ZFHX3: variants seen among roughly 807,000 people sequenced by gnomAD.
The protein encoded by ZFHX3 is zinc finger homeobox protein 3.
In ZFHX3, 42 loss-of-function variants were observed where a neutral mutation model predicts 279.1. The observed-to-expected ratio is 0.15, with a 90% CI of 0.12 to 0.19. ZFHX3 has a LOEUF of 0.19. Among genes scored for constraint, ZFHX3 ranks in the 10% least tolerant of loss-of-function variants. The pLI, the probability that ZFHX3 is intolerant of heterozygous loss-of-function variation, is 1.00. For missense variants in ZFHX3, 4,981 were observed against 4,754.0 expected (o/e 1.05, Z -1.40); for synonymous variants, 2,293 against 1,957.8 (o/e 1.17, Z -4.52).
At chr16:73,871,036 CAT>C (rs1397790947) in intron 1 of ZFHX3, among the ~76,000 whole-genome samples, 3 of 152,138 alleles carry the variant, frequency 2.0e-5, no homozygotes, top group Non-Finnish European at 2.9e-5. Context: ...GCAAGGAAGC[CAT>C]GCAAGAGACT....
intron 1 of ZFHX3, among the ~76,000 whole-genome samples, chr16:73,682,944 A>G (rs199930392): frequency 2.9e-4 from 6 of 21,006 alleles, no homozygotes; most frequent in Admixed American, 7.6e-4. Context: ...GAAAGAAAGA[A>G]AGAAAGAAAG....
At chr16:73,100,757 C>T (rs927354752) in intron 7 of ZFHX3, among the ~76,000 whole-genome samples, 1 of 152,052 alleles carries the variant, frequency 6.6e-6, no homozygotes, top group Non-Finnish European at 1.5e-5. Context: ...ACCATCACGC[C>T]TGGCTAATTT....
chr16:72,972,635 G>C (rs767553522), intron 1 of ZFHX3, among the ~76,000 whole-genome samples: 1 of 152,134 alleles, frequency 6.6e-6, no homozygotes, highest in East Asian at 1.9e-4. Context: ...GGGTGGGAAG[G>C]CACTATGTCG....
At chr16:73,879,001 T>C (rs1381554369) in intron 1 of ZFHX3, among the ~76,000 whole-genome samples, 2 of 150,466 alleles carry the variant, frequency 1.3e-5, no homozygotes, top group Non-Finnish European at 3.0e-5. Flanking sequence ...TAGATCATTA[T>C]GTTCTTCCTC....
At chr16:72,947,305 G>A (rs868178047) in intron 3 of ZFHX3, among the ~76,000 whole-genome samples, 2 of 152,182 alleles carry the variant, frequency 1.3e-5, no homozygotes, top group Admixed American at 6.5e-5. Context: ...AAATCAAAAC[G>A]ACACCATTCC....
At chr16:73,702,246 G>C (rs2053255615) in intron 1 of ZFHX3, among the ~76,000 whole-genome samples, 1 of 152,094 alleles carries the variant, frequency 6.6e-6, no homozygotes, top group African/African-American at 2.4e-5. Context: ...ATAGACCCAA[G>C]TGACCAAGTA....
chr16:73,673,018 G>A (rs1396751071), intron 2 of ZFHX3, among the ~76,000 whole-genome samples: 1 of 152,130 alleles, frequency 6.6e-6, no homozygotes, highest in Non-Finnish European at 1.5e-5. Flanking sequence ...ACATCATATT[G>A]AGTGAAAATT....
Position 73,535,894 on chromosome 16 carries a change from TTTTAC to T in ZFHX3, c.-1546-79641_-1546-79637del, listed in dbSNP as rs1358630145. On this transcript the variant is annotated intron_variant, in intron 2 of 17. Coordinates refer to the ZFHX3 transcript ENST00000641206. ...CTCCCCACTATGCCCGGCTAATTTT[TTTTAC>T]TTTTAGTAGAGACGGGGTTTCACCA... Among the ~76,000 whole-genome samples, 3 of 152,016 alleles carry T rather than the reference TTTTAC, an allele frequency of 2.0e-5. No individual in the cohort carries two copies. In the East Asian group the frequency reaches 5.8e-4, roughly 29 times the overall value.
intron 4 of ZFHX3, among the ~76,000 whole-genome samples, chr16:73,303,614 G>A (rs1274777844): frequency 6.6e-6 from 1 of 152,128 alleles, no homozygotes; most frequent in African/African-American, 2.4e-5. Flanking sequence ...AAGAATTAAA[G>A]CTATTATCTG....
intron 3 of ZFHX3, among the ~76,000 whole-genome samples, chr16:73,444,516 T>C (rs1364131577): frequency 1.3e-5 from 2 of 152,260 alleles, no homozygotes; most frequent in East Asian, 3.8e-4. Flanking sequence ...ATAAATGGGA[T>C]GCATTTGTAA....
At chr16:73,099,040 A>G (rs1177455616) in intron 7 of ZFHX3, 2 of 152,242 alleles carry the variant, frequency 1.3e-5, no homozygotes, top group Non-Finnish European at 2.9e-5. Flanking sequence ...TTAGGGATTT[A>G]TTTCCTAATA....
At chr16:72,828,668 C>G (rs948852581) in intron 5 of ZFHX3, among the ~76,000 whole-genome samples, 2 of 152,214 alleles carry the variant, frequency 1.3e-5, no homozygotes. Flanking sequence ...CCCCCAAATG[C>G]AGGACAAAGA....
At chr16:73,160,538 C>T (rs139808086) in intron 5 of ZFHX3, among the ~76,000 whole-genome samples, 175 of 152,180 alleles carry the variant, frequency 1.1e-3, no homozygotes, top group Admixed American at 0.01. Flanking sequence ...CCCACAGTCA[C>T]GTTTTCTAAA....
intron 2 of ZFHX3, among the ~76,000 whole-genome samples, chr16:73,613,109 T>C (rs1469227196): frequency 6.6e-6 from 1 of 152,230 alleles, no homozygotes; most frequent in Non-Finnish European, 1.5e-5. Context: ...TTTATTTATA[T>C]AGTGAAAATT....
chr16:73,823,615 C>A (rs529387211), intron 1 of ZFHX3, among the ~76,000 whole-genome samples: 1 of 152,216 alleles, frequency 6.6e-6, no homozygotes, highest in African/African-American at 2.4e-5. Flanking sequence ...AATACAGCCA[C>A]GCCCATTCAT....
At chr16:72,833,279 AGATTTGATACACAC>A (rs2037108684) in intron 4 of ZFHX3, among the ~76,000 whole-genome samples, 1 of 152,214 alleles carries the variant, frequency 6.6e-6, no homozygotes, top group African/African-American at 2.4e-5. Flanking sequence ...TTAGGAATGT[AGATTTGATACACAC>A]GTGCTGGAGA....
chr16:72,820,633 G>C (rs1195394575), intron 5 of ZFHX3, among the ~76,000 whole-genome samples: 1 of 152,152 alleles, frequency 6.6e-6, no homozygotes, highest in Non-Finnish European at 1.5e-5. Flanking sequence ...CCTCTTGTTG[G>C]TTCCCCCAAA....
At chr16:73,002,734 T>C (rs8056528) in intron 1 of ZFHX3, among the ~76,000 whole-genome samples, 45,258 of 152,122 alleles carry the variant, frequency 0.3, 6,835 homozygotes, top group Admixed American at 0.38. Flanking sequence ...TGCTGCTTTT[T>C]TTTAAATTAG....
chr16:73,844,098 T>G (rs1403349965), intron 1 of ZFHX3, among the ~76,000 whole-genome samples: 1 of 152,198 alleles, frequency 6.6e-6, no homozygotes, highest in African/African-American at 2.4e-5. Flanking sequence ...GGTGCAGTTC[T>G]AAGCGACTAT....
Sources: gnomAD v4.1 joint callset for allele counts (sites outside exome capture counted in the v4.1 genomes callset) on GRCh38, gnomAD v4.1.1 for gene constraint, MANE v1.5 for transcripts, NCBI Gene and HGNC (gene_info 2026-07-23, HGNC 2026-07-21) for gene names.